The following WDPCP variants were observed in gnomAD, a reference collection of about 807,000 sequenced individuals.
WDPCP encodes WD repeat-containing and planar cell polarity effector protein fritz homolog.
In WDPCP, 71 loss-of-function variants were observed where a neutral mutation model predicts 93.1. The ratio of observed to expected loss-of-function variants is 0.76; its 90% confidence interval spans 0.63 to 0.93. The LOEUF (loss-of-function observed/expected upper bound fraction) is 0.93. WDPCP is among the 40% of genes least tolerant of loss of function. The pLI is 0.00. For missense variants in WDPCP, 844 were observed against 887.4 expected (o/e 0.95, Z 0.62); for synonymous variants, 315 against 315.0 (o/e 1.00, Z 0.00).
chr2:63,512,826 G>C (rs889729421), intron 1 of WDPCP, among the ~76,000 whole-genome samples: 1 of 151,856 alleles, frequency 6.6e-6, no homozygotes, highest in African/African-American at 2.4e-5. Context: ...AACCACCATG[G>C]CACATGTATA....
At chr2:63,629,689 A>T (rs2106634162) in intron 3 of WDPCP, among the ~76,000 whole-genome samples, 1 of 152,346 alleles carries the variant, frequency 6.6e-6, no homozygotes, top group Middle Eastern at 3.4e-3. Flanking sequence ...ACTCCCACCC[A>T]GCAGTAACAA....
Position 63,484,653 on chromosome 2 carries a change from T to C in WDPCP, c.335A>G (p.Gln112Arg), listed in dbSNP as rs1558696105. 1 of 1,612,910 alleles carries C rather than the reference T, an allele frequency of 6.2e-7. No individual in the cohort carries two copies. Among genetic ancestry groups the C allele is most frequent in the Non-Finnish European group, 8.5e-7 (1 of 1,179,244 alleles). ...DSLKELEELMQNSRCVLSKWK... is the reference protein window; with the variant it reads ...DSLKELEELMRNSRCVLSKWK... Reference sequence around the variant, plus strand: ...TTTGCTCAGCACACACCGACTGTTTTGCATCAGCTCCTGAAGCACAACAGA... The same window carrying C: ...TTTGCTCAGCACACACCGACTGTTTCGCATCAGCTCCTGAAGCACAACAGA... The change falls in exon 6 of 18, where the codon CAA becomes CGA. Residue 112 changes from glutamine to arginine, a missense_variant. By Grantham distance (43) the Gln-to-Arg change is conservative. Coordinates refer to ENST00000272321, the MANE Select transcript of WDPCP (RefSeq NM_015910.7).
Position 63,798,061 on chromosome 2 carries a change from C to G in WDPCP, n.308+15561G>C, listed in dbSNP as rs577814016. ...GTGCTGAAGGAAAAAAACTTTTACC[C>G]TAGAATAATATACCTGGTGAAAATA... On this transcript the variant is annotated intron_variant and non_coding_transcript_variant, in intron 2 of 4. Coordinates refer to the WDPCP transcript ENST00000467687. Among the ~76,000 whole-genome samples the G allele has an allele frequency of 4.5e-4, 69 of 152,230 alleles. 1 individual carries two copies. Among genetic ancestry groups the G allele is most frequent in the African/African-American group, 1.6e-3 (66 of 41,530 alleles).
intron 11 of WDPCP, among the ~76,000 whole-genome samples, chr2:63,380,583 G>A (rs1472642020): frequency 1.3e-5 from 2 of 151,962 alleles, no homozygotes; most frequent in Non-Finnish European, 2.9e-5. Context: ...AATTAGCTGG[G>A]TGTGTGGTGC....
chr2:63,382,192 G>A, intron 10 of WDPCP, 98 bp from the exon 11 acceptor site: 1 of 1,207,548 alleles, frequency 8.3e-7, no homozygotes, highest in Non-Finnish European at 1.2e-6. Flanking sequence ...TATATTGCTT[G>A]CATTAAGTGC....
intron 3 of WDPCP, among the ~76,000 whole-genome samples, chr2:63,619,751 G>A (rs1162752950): frequency 6.6e-6 from 1 of 152,222 alleles, no homozygotes; most frequent in Non-Finnish European, 1.5e-5. Flanking sequence ...AATAGGAACA[G>A]CTCTGGTCTG....
At chr2:63,440,695 G>A (rs1202922334) in intron 6 of WDPCP, 1 of 152,518 alleles carries the variant, frequency 6.6e-6, no homozygotes, top group Non-Finnish European at 1.5e-5. Context: ...ATCAACATTG[G>A]AAGAAATTGT....
In WDPCP at chr2:63,395,641, G is replaced by C. The variant is rs527238218; in HGVS notation, c.1435+8407C>G. ...GTGGGAATTAACTGAAAAGGGCCTT[G>C]AGAGAATTTTTTGGGATGACGGAAA... On this transcript the variant is annotated intron_variant, in intron 10 of 17. Coordinates refer to ENST00000272321, the MANE Select transcript of WDPCP (RefSeq NM_015910.7). Among the ~76,000 whole-genome samples the C allele has an allele frequency of 8.5e-5, 13 of 152,308 alleles. No individual in the cohort carries two copies. In the South Asian group the frequency reaches 1.0e-3, roughly 12 times the overall value.
intron 6 of WDPCP, among the ~76,000 whole-genome samples, chr2:63,481,470 T>C (rs1700263579): frequency 6.6e-6 from 1 of 151,986 alleles, no homozygotes; most frequent in African/African-American, 2.4e-5. Context: ...AATTCGCAAT[T>C]GCAAAAATAT....
At chr2:63,395,797 G>A (rs1038290555) in intron 10 of WDPCP, among the ~76,000 whole-genome samples, 6 of 151,884 alleles carry the variant, frequency 4.0e-5, no homozygotes, top group South Asian at 2.1e-4. Context: ...GCGCGATTTC[G>A]GCTCACTGCA....
intron 17 of WDPCP, among the ~76,000 whole-genome samples, chr2:63,126,662 T>TTG (rs1413069153): frequency 9.9e-4 from 148 of 149,616 alleles, no homozygotes; most frequent in African/African-American, 3.5e-3. Flanking sequence ...GCAACTTGTT[T>TTG]TGTGTTTTTT....
upstream of WDPCP, chr2:63,588,799 TGAGAAGAGCTTGAAAAAA>T: frequency 1.8e-6 from 1 of 549,628 alleles, no homozygotes; most frequent in East Asian, 3.2e-5. Context: ...CAGAGCGCAG[TGAGAAGAGCTTGAAAAAA>T]ACCTCTGGTA....
intron 2 of WDPCP, among the ~76,000 whole-genome samples, chr2:63,771,639 A>G (rs1013268443): frequency 6.6e-6 from 1 of 151,830 alleles, no homozygotes; most frequent in Non-Finnish European, 1.5e-5. Context: ...GGTACAATTG[A>G]TCCTGTCACC....
chr2:63,404,717 C>G, intron 9 of WDPCP, 60 bp from the exon 10 acceptor site: 2 of 1,593,554 alleles, frequency 1.3e-6, no homozygotes, highest in Non-Finnish European at 1.7e-6. Context: ...AACTTCACAC[C>G]TAGGACTGCA....
chr2:63,134,456 T>A (rs1490115181), intron 17 of WDPCP, among the ~76,000 whole-genome samples: 1 of 152,158 alleles, frequency 6.6e-6, no homozygotes, highest in Admixed American at 6.5e-5. Flanking sequence ...TTTAGTAAAT[T>A]TATATATATG....
intron 10 of WDPCP, among the ~76,000 whole-genome samples, chr2:63,396,118 GAAGA>G (rs1226789356): frequency 6.6e-6 from 1 of 152,136 alleles, no homozygotes; most frequent in Non-Finnish European, 1.5e-5. Context: ...ACTCTAGTTT[GAAGA>G]AAGTAGAAGC....
At chr2:63,487,634 A>G (rs1273164961) in intron 2 of WDPCP, 140 bp from the exon 3 acceptor site, 1 of 588,224 alleles carries the variant, frequency 1.7e-6, no homozygotes, top group Non-Finnish European at 3.0e-6. Context: ...AATGGCTCAA[A>G]AGCATCCGGA....
intron 1 of WDPCP, among the ~76,000 whole-genome samples, chr2:63,539,516 T>G (rs1484593085): frequency 6.6e-6 from 1 of 152,086 alleles, no homozygotes; most frequent in South Asian, 2.1e-4. Flanking sequence ...GCCAACATGG[T>G]GAAACCCTGT....
At position 63,204,634 on chromosome 2, in the gene WDPCP, G is replaced by A. The variant is rs184629649; in HGVS notation, c.1916-29802C>T. The stretch of plus-strand genomic sequence containing the variant: ...TGGGATGACAGGCATGAGCCACTGC[G>A]CCTGGCCTGTACTTTTGAGAAATGT... On this transcript the variant is annotated intron_variant, in intron 14 of 17. Coordinates refer to ENST00000272321, the MANE Select transcript of WDPCP (RefSeq NM_015910.7). 8.5e-5 allele frequency among the ~76,000 whole-genome samples: 13 copies of A among 152,236 alleles called. No homozygotes were observed. In the East Asian group the frequency reaches 9.7e-4, roughly 11 times the overall value.
Sources: allele counts gnomAD v4.1 joint callset (sites outside exome capture counted in the v4.1 genomes callset), GRCh38; gene constraint gnomAD v4.1.1; transcripts MANE v1.5; gene names NCBI Gene and HGNC (gene_info 2026-07-23, HGNC 2026-07-21).